CASQ1: variants seen among roughly 807,000 people sequenced by gnomAD.
CASQ1 encodes the protein calsequestrin-1.
In CASQ1, 40 loss-of-function variants were observed where a neutral mutation model predicts 49.5. The observed-to-expected ratio is 0.81, with a 90% confidence interval of 0.63 to 1.05. The LOEUF is 1.05. Ranked by LOEUF, CASQ1 falls within the 50% of genes least tolerant of loss-of-function variation. CASQ1 has a pLI of 0.00. For synonymous variants in CASQ1, 174 were observed against 187.2 expected, an observed-to-expected ratio of 0.93 and a Z score of 0.58; for missense variants, 469 against 486.9, an observed-to-expected ratio of 0.96 and a Z score of 0.35.
intron 1 of CASQ1, 170 bp from the exon 2 acceptor site, chr1:160,192,630 CAG>C (rs1441896056): frequency 1.6e-6 from 1 of 638,320 alleles, no homozygotes; most frequent in Non-Finnish European, 2.8e-6. Context: ...GAGCCAAAAA[CAG>C]AACTGTGTGG....
intron 1 of CASQ1, 186 bp from the exon 2 acceptor site, chr1:160,192,616 A>T (rs150860509): frequency 4.9e-6 from 3 of 613,592 alleles, no homozygotes; most frequent in South Asian, 1.9e-5. Flanking sequence ...TCATGAACTA[A>T]GTTGAGCCAA....
rs184108726 is a variant in CASQ1, at chr1:160,190,668, T to C, written c.-84T>C. 2.2e-6 allele frequency: 3 copies of C among 1,348,938 alleles called. No homozygotes were observed. The highest frequency in any genetic ancestry group is 2.8e-5 in the South Asian group (2 of 71,668). 83.6% of individuals were successfully genotyped at this position (1,348,938 alleles called of 1,614,324 possible). On this transcript the variant is annotated 5_prime_UTR_variant, in exon 1 of 11. Coordinates refer to ENST00000368078, the MANE Select transcript of CASQ1 (RefSeq NM_001231.5). ...CCCCCCTCCCACTTGAGCCCCTAAC[T>C]CAGAATCTGGGACCCAGGGGCCCCT... is the stretch of plus-strand genomic sequence containing the variant.
chr1:160,190,764 G>C lies in CASQ1; in HGVS notation c.13G>C (p.Asp5His), dbSNP rs1453472098. ...TCCCACTACCTCCATGAGTGCTACA[G>C]ACAGGATGGGGCCCAGAGCTGTGCC... Reference protein sequence around the residue: MSATDRMGPRAVPGL... With the variant: MSATHRMGPRAVPGL... Residue 5 changes from aspartate (D) to histidine (H), a missense_variant, in exon 1 of 11, where the codon GAC becomes CAC. Coordinates refer to ENST00000368078, the MANE Select transcript of CASQ1 (RefSeq NM_001231.5). 6 of 1,613,830 alleles carry C rather than the reference G, an allele frequency of 3.7e-6. No homozygotes were observed. Among genetic ancestry groups the C allele is most frequent in the African/African-American group, 2.7e-5 (2 of 74,912 alleles).
At chr1:160,196,212 C>G (rs1654223348) in intron 6 of CASQ1, among the ~76,000 whole-genome samples, 185 bp downstream of exon 6, 1 of 151,526 alleles carries the variant, frequency 6.6e-6, no homozygotes, top group African/African-American at 2.4e-5. Flanking sequence ...TACCCCACTA[C>G]TTAGCCCTGA....
rs1448478281 is a variant in CASQ1 at position 160,201,655 on chromosome 1, C to T, written c.*279C>T. 2 of 488,684 alleles carry T rather than the reference C, an allele frequency of 4.1e-6. No homozygotes were observed. The allele number at this position is 488,684 out of a possible 1,614,324, so 30.3% of individuals were successfully genotyped here. On this transcript the variant is annotated 3_prime_UTR_variant, in exon 11 of 11. Coordinates refer to ENST00000368078, the MANE Select transcript of CASQ1 (RefSeq NM_001231.5). Reference sequence around the variant, plus strand: ...TGTGTCTCTTCCATCACTCTCCATACTCTTTCTTGTGATTCTCCTCTAGCC... The same window carrying T: ...TGTGTCTCTTCCATCACTCTCCATATTCTTTCTTGTGATTCTCCTCTAGCC...
At chr1:160,199,772 G>A in intron 9 of CASQ1, 79 bp from the exon 10 acceptor site, 1 of 976,752 alleles carries the variant, frequency 1.0e-6, no homozygotes, top group Non-Finnish European at 1.7e-6. Flanking sequence ...CCATCCCTGG[G>A]CTGACCCTCA....
intron 3 of CASQ1, 47 bp downstream of exon 3, chr1:160,193,894 C>T (rs1654139390): frequency 2.3e-6 from 3 of 1,280,198 alleles, no homozygotes; most frequent in Non-Finnish European, 3.4e-6. Flanking sequence ...AACTCCACTG[C>T]CTGCCCCCTA....
rs754341004 is a variant in CASQ1, at chr1:160,190,990, C to T, written c.239C>T (p.Ala80Val). The T allele has an allele frequency of 6.2e-7, 1 of 1,614,130 alleles. No individual in the cohort carries two copies. Among genetic ancestry groups the T allele is most frequent in the Non-Finnish European group, 8.5e-7 (1 of 1,180,010 alleles). ...LYHEPPEDDK[A>V]SQRQFEMEEL... ...CATGAACCCCCCGAGGATGACAAGG[C>T]CTCACAAAGACAATTTGAGATGGAG... Residue 80 changes from alanine to valine, a missense_variant, in exon 1 of 11, where the codon GCC becomes GTC. Ala to Val is a moderately conservative substitution (Grantham distance 64). Transcript: ENST00000368078.
chr1:160,191,218 A>G (rs1330338591), intron 1 of CASQ1, among the ~76,000 whole-genome samples, 188 bp downstream of exon 1: 1 of 152,138 alleles, frequency 6.6e-6, no homozygotes, highest in Non-Finnish European at 1.5e-5. Flanking sequence ...AGTCTCAGGA[A>G]CCCAAAAGTA....
chr1:160,190,877 G>C lies in CASQ1; in HGVS notation c.126G>C (p.Glu42Asp). 1.2e-6 allele frequency: 2 copies of C among 1,614,238 alleles called. No homozygotes were observed. The highest frequency in any genetic ancestry group is 3.3e-5 in the Admixed American group (2 of 60,034). Residue 42 changes from glutamate to aspartate, a missense_variant, in exon 1 of 11, where the codon GAG becomes GAC. Transcript: ENST00000368078. ...GGCAGGAAGGGCTGGACTTCCCTGAGTACGATGGTGTGGACCGTGTGATCA... is the reference window on the plus strand; with the variant it reads ...GGCAGGAAGGGCTGGACTTCCCTGACTACGATGGTGTGGACCGTGTGATCA... ...VQGQEGLDFP[E>D]YDGVDRVINV...
intron 3 of CASQ1, 114 bp from the exon 4 acceptor site, chr1:160,194,898 A>C: frequency 1.6e-6 from 1 of 637,616 alleles, no homozygotes; most frequent in Non-Finnish European, 2.8e-6. Flanking sequence ...ACACACCCAC[A>C]CACTGTCAAC....
Position 160,195,960 on chromosome 1 carries a change from C to A in CASQ1, c.715C>A (p.Pro239Thr). 1 of 1,614,066 alleles carries A rather than the reference C, an allele frequency of 6.2e-7. No individual in the cohort carries two copies. Among genetic ancestry groups the A allele is most frequent in the Non-Finnish European group, 8.5e-7 (1 of 1,179,936 alleles). ...IDFYEAFMEEPVTIPDKPNSE... is the reference protein window; with the variant it reads ...IDFYEAFMEETVTIPDKPNSE... Reference sequence around the variant, plus strand: ...TTTCTACGAGGCCTTCATGGAAGAGCCTGTGACCATCCCAGACAAGCCCAA... The same window carrying A: ...TTTCTACGAGGCCTTCATGGAAGAGACTGTGACCATCCCAGACAAGCCCAA... Residue 239 changes from proline to threonine, a missense_variant, in exon 6 of 11, where the codon CCT becomes ACT. Physicochemically the swap from Pro to Thr is conservative, Grantham distance 38. Coordinates refer to ENST00000368078, the MANE Select transcript of CASQ1 (RefSeq NM_001231.5).
rs1415751202 is a variant in CASQ1 at position 160,201,576 on chromosome 1, G to A, written c.*200G>A. ...CTACTTTTCCCTAGACACCAGGCCA[G>A]CTCTCTCTTATCTGACTTCTGTTTC... On this transcript the variant is annotated 3_prime_UTR_variant, in exon 11 of 11. Coordinates refer to ENST00000368078, the MANE Select transcript of CASQ1 (RefSeq NM_001231.5). 1.7e-6 allele frequency: 1 copy of A among 600,298 alleles called. No individual in the cohort carries two copies. The allele number at this position is 600,298 out of a possible 1,614,324, so 37.2% of individuals were successfully genotyped here. A position where few individuals can be genotyped will look rare whatever the true frequency, so the allele number is the denominator to read the frequency against.
chr1:160,201,341 AAC>A lies in CASQ1; in HGVS notation c.1160_1161del (p.Thr387ArgfsTer4). The part of the protein sequence containing the change: ...WLEDVLEGEI[N>X]TEDDDDDDDD The stretch of plus-strand genomic sequence containing the variant: ...GGAGGATGTCCTGGAGGGCGAGATC[AAC>A]ACAGAGGACGATGACGATGATGATG... On this transcript the variant is annotated frameshift_variant, in exon 11 of 11. Coordinates refer to ENST00000368078, the MANE Select transcript of CASQ1 (RefSeq NM_001231.5). LOFTEE classifies it high-confidence loss of function. 1 of 1,534,810 alleles carries A rather than the reference AAC, an allele frequency of 6.5e-7. No homozygotes were observed. The highest frequency in any genetic ancestry group is 8.8e-7 in the Non-Finnish European group (1 of 1,141,088).
At chr1:160,194,450 C>CCA in intron 3 of CASQ1, among the ~76,000 whole-genome samples, 1 of 14,388 alleles carries the variant, frequency 7.0e-5, no homozygotes, top group Admixed American at 1.4e-3. Context: ...ACAACACACA[C>CCA]CACACACACC....
rs555925572 is a variant in CASQ1 at position 160,193,416 on chromosome 1, C to T, written c.365-331C>T. 4.5e-4 allele frequency among the ~76,000 whole-genome samples: 69 copies of T among 152,236 alleles called. 4 individuals carry two copies. The South Asian group carries it at 0.013, about 30-fold the overall frequency. ...GCTCAGAGGGGGTGGCATGAATACT[C>T]ATCTCTAGTCGTTGCGGTCAGAGAA... On this transcript the variant is annotated intron_variant, in intron 2 of 10. Coordinates refer to ENST00000368078, the MANE Select transcript of CASQ1 (RefSeq NM_001231.5).
At position 160,199,838 on chromosome 1, in the gene CASQ1, G is replaced by T; in HGVS notation, c.985-13G>T. 4 of 1,588,446 alleles carry T rather than the reference G, an allele frequency of 2.5e-6. No homozygotes were observed. In the South Asian group the frequency reaches 3.3e-5, roughly 13 times the overall value. The stretch of plus-strand genomic sequence containing the variant: ...AGTATCTATTAAGTTGCTGTATTTT[G>T]ATCTCTCTACAGCTGGTCCCATACT... On this transcript the variant is annotated splice_polypyrimidine_tract_variant and intron_variant, in intron 9 of 10. Coordinates refer to ENST00000368078, the MANE Select transcript of CASQ1 (RefSeq NM_001231.5).
intron 5 of CASQ1, 132 bp downstream of exon 5, chr1:160,195,666 C>A: frequency 1.3e-6 from 1 of 742,866 alleles, no homozygotes. Context: ...CCCCCCCCGG[C>A]TCCTCCCACT....
intron 7 of CASQ1, 66 bp downstream of exon 7, chr1:160,197,680 A>G: frequency 8.9e-7 from 1 of 1,118,016 alleles, no homozygotes; most frequent in Non-Finnish European, 1.4e-6. Flanking sequence ...CAAGTCCTAG[A>G]AAAACCCCAC....
Sources: gnomAD v4.1 joint callset for allele counts (sites outside exome capture counted in the v4.1 genomes callset) on GRCh38, gnomAD v4.1.1 for gene constraint, MANE v1.5 for transcripts, NCBI Gene and HGNC (gene_info 2026-07-23, HGNC 2026-07-21) for gene names.